XRRA1: variants seen among roughly 807,000 people sequenced by gnomAD.
The protein encoded by XRRA1 is X-ray radiation resistance associated 1.
XRRA1 carries 69 observed loss-of-function variants against 80.2 expected under a neutral mutation model. The observed-to-expected ratio is 0.86, with a 90% CI of 0.71 to 1.05. The LOEUF is 1.05. XRRA1 is among the 50% of genes least tolerant of loss of function. XRRA1 has a pLI of 0.00. For missense variants in XRRA1, 967 were observed against 976.4 expected (o/e 0.99, Z 0.13); for synonymous variants, 348 against 389.9 (o/e 0.89, Z 1.27).
intron 10 of XRRA1, among the ~76,000 whole-genome samples, chr11:74,891,197 T>C (rs919936406): frequency 6.6e-6 from 1 of 152,186 alleles, no homozygotes; most frequent in African/African-American, 2.4e-5. Flanking sequence ...TCAAAAAGCT[T>C]ATCCACCACG....
At chr11:74,905,679 T>G (rs2054436369) in intron 10 of XRRA1, among the ~76,000 whole-genome samples, 1 of 152,158 alleles carries the variant, frequency 6.6e-6, no homozygotes, top group African/African-American at 2.4e-5. Flanking sequence ...TTGCAGTTTT[T>G]CCAACTTTTA....
At chr11:74,936,606 G>GCAAA (rs1945041971) in intron 4 of XRRA1, among the ~76,000 whole-genome samples, 1 of 152,208 alleles carries the variant, frequency 6.6e-6, no homozygotes, top group African/African-American at 2.4e-5. Flanking sequence ...CTCAGCCAAG[G>GCAAA]CAAACTACTT....
chr11:74,880,651 G>A (rs995526753), intron 10 of XRRA1, among the ~76,000 whole-genome samples: 4 of 151,034 alleles, frequency 2.6e-5, no homozygotes, highest in African/African-American at 9.8e-5. Flanking sequence ...CAGAGATTCT[G>A]GTATGTTGTG....
At chr11:74,853,215 T>C (rs1268359778) in intron 12 of XRRA1, among the ~76,000 whole-genome samples, 1 of 152,194 alleles carries the variant, frequency 6.6e-6, no homozygotes, top group Non-Finnish European at 1.5e-5. Context: ...ACCAGGGTCA[T>C]GTGACCTAGT....
intron 3 of XRRA1, among the ~76,000 whole-genome samples, chr11:74,939,843 T>TAGAG (rs34445753): frequency 6.9e-6 from 1 of 144,838 alleles, no homozygotes; most frequent in African/African-American, 2.6e-5. Context: ...GAGAGTGACA[T>TAGAG]AGAGAGAGAG....
intron 8 of XRRA1, among the ~76,000 whole-genome samples, chr11:74,913,066 A>C (rs1565390973): frequency 6.6e-6 from 1 of 152,246 alleles, no homozygotes. Context: ...TCTGTTTCAC[A>C]ATGGACCCAG....
In XRRA1 at chr11:74,907,283, C is replaced by T; in HGVS notation, c.657-10G>A. 6.2e-7 allele frequency: 1 copy of T among 1,613,680 alleles called. No homozygotes were observed. Among genetic ancestry groups the T allele is most frequent in the Admixed American group, 1.7e-5 (1 of 59,968 alleles). ...TGTTACAGATGCCTCCCTGTGAGTG[C>T]AAAGATCTTGGGTAATGAGCAAGGT... On this transcript the variant is annotated splice_polypyrimidine_tract_variant and intron_variant, in intron 8 of 18. Coordinates refer to ENST00000684022, the MANE Select transcript of XRRA1 (RefSeq NM_001378157.1).
intron 10 of XRRA1, among the ~76,000 whole-genome samples, chr11:74,868,553 T>C (rs1590770343): frequency 6.6e-6 from 1 of 152,048 alleles, no homozygotes; most frequent in South Asian, 2.1e-4. Context: ...GAGTGATCAG[T>C]TGAATAAAGA....
chr11:74,866,776 T>A (rs1267075844), intron 10 of XRRA1, among the ~76,000 whole-genome samples: 2 of 151,670 alleles, frequency 1.3e-5, no homozygotes, highest in Non-Finnish European at 2.9e-5. Context: ...GCTCAAAGAT[T>A]ATATGAAAAT....
intron 8 of XRRA1, among the ~76,000 whole-genome samples, chr11:74,920,998 A>G (rs1940579058): frequency 6.6e-6 from 1 of 150,794 alleles, no homozygotes; most frequent in Non-Finnish European, 1.5e-5. Flanking sequence ...AGTCAGAGGC[A>G]GGGAAAGTGG....
At position 74,843,127 on chromosome 11, in the gene XRRA1, G is replaced by A. The variant is rs536041721; in HGVS notation, c.*73C>T. On this transcript the variant is annotated 3_prime_UTR_variant, in exon 19 of 19. Transcript: ENST00000684022. ...GGCCGGCTGGTCAACCTTGAGGTGC[G>A]GTCCAGGGCACAGAGCCCTCGGGGA... The A allele has an allele frequency of 2.8e-5, 41 of 1,473,886 alleles. No individual in the cohort carries two copies. The highest frequency in any genetic ancestry group is 4.2e-5 in the African/African-American group (3 of 71,890). The allele number at this position is 1,473,886 out of a possible 1,614,324, so 91.3% of individuals were successfully genotyped here. A position where few individuals can be genotyped will look rare whatever the true frequency, so the allele number is the denominator to read the frequency against.
chr11:74,849,618 T>C (rs1300244371), intron 14 of XRRA1, among the ~76,000 whole-genome samples: 1 of 152,098 alleles, frequency 6.6e-6, no homozygotes, highest in Non-Finnish European at 1.5e-5. Context: ...GAGAGAGATG[T>C]GCTAGAGGAA....
At chr11:74,895,602 G>A (rs1044655135) in intron 10 of XRRA1, among the ~76,000 whole-genome samples, 37 of 152,162 alleles carry the variant, frequency 2.4e-4, no homozygotes, top group Non-Finnish European at 5.9e-5. Context: ...CGCAGCTAAG[G>A]GAGTGCTTGT....
chr11:74,926,757 T>G (rs1942334512), intron 7 of XRRA1, among the ~76,000 whole-genome samples: 1 of 152,178 alleles, frequency 6.6e-6, no homozygotes, highest in Non-Finnish European at 1.5e-5. Flanking sequence ...AAACCAAGAA[T>G]GCAAACAAAA....
chr11:74,942,666 T>C (rs1565460991), intron 2 of XRRA1, among the ~76,000 whole-genome samples: 1 of 152,246 alleles, frequency 6.6e-6, no homozygotes, highest in East Asian at 1.9e-4. Context: ...TGCCATTTAC[T>C]AGCTGTGTGG....
At chr11:74,874,971 G>T (rs999544054) in intron 10 of XRRA1, among the ~76,000 whole-genome samples, 1 of 152,178 alleles carries the variant, frequency 6.6e-6, no homozygotes, top group Non-Finnish European at 1.5e-5. Flanking sequence ...TCAACTAGCT[G>T]AACTGATAGC....
In XRRA1 at chr11:74,845,288, A is replaced by C. The variant is rs752275454; in HGVS notation, c.1729-17T>G. On this transcript the variant is annotated splice_polypyrimidine_tract_variant and intron_variant, in intron 15 of 18. Transcript: ENST00000684022. ...TTCACTCACCTGTGCCCAGGAAGAAAACGCATTCATTTGTCACTCATTCAT... is the reference window on the plus strand; with the variant it reads ...TTCACTCACCTGTGCCCAGGAAGAACACGCATTCATTTGTCACTCATTCAT... 3.8e-6 allele frequency: 6 copies of C among 1,598,866 alleles called. No individual in the cohort carries two copies. The African/African-American group carries it at 8.0e-5, about 21-fold the overall frequency.
intron 2 of XRRA1, among the ~76,000 whole-genome samples, chr11:74,941,671 G>A (rs962313426): frequency 2.0e-5 from 3 of 152,144 alleles, no homozygotes; most frequent in African/African-American, 7.2e-5. Flanking sequence ...CATAATCCAA[G>A]CTGTACTTTA....
intron 14 of XRRA1, among the ~76,000 whole-genome samples, chr11:74,849,935 GC>G (rs977959824): frequency 1.2e-4 from 18 of 152,168 alleles, no homozygotes; most frequent in African/African-American, 4.1e-4. Context: ...TGCATTTCTA[GC>G]CCCATCTCTG....
Sources: gnomAD v4.1 joint callset for allele counts (sites outside exome capture counted in the v4.1 genomes callset) on GRCh38, gnomAD v4.1.1 for gene constraint, MANE v1.5 for transcripts, NCBI Gene and HGNC (gene_info 2026-07-23, HGNC 2026-07-21) for gene names.